HSD17B4: variants seen among roughly 807,000 people sequenced by gnomAD.
The protein encoded by HSD17B4 is hydroxysteroid 17-beta dehydrogenase 4, also known as peroxisomal multifunctional enzyme type 2.
HSD17B4 carries 70 observed loss-of-function variants against 101.0 expected under a neutral mutation model. The observed-to-expected ratio is 0.69, with a 90% confidence interval of 0.57 to 0.85. HSD17B4 has a LOEUF of 0.85. Among genes scored for constraint, HSD17B4 ranks in the 40% least tolerant of loss-of-function variants. The pLI, the probability that HSD17B4 is intolerant of heterozygous loss-of-function variation, is 0.00. For synonymous variants in HSD17B4, 347 were observed against 297.1 expected (o/e 1.17, Z -1.73); for missense variants, 984 against 892.4 (o/e 1.10, Z -1.31).
intron 2 of HSD17B4, among the ~76,000 whole-genome samples, chr5:119,470,545 A>G (rs1444691332): frequency 6.6e-6 from 1 of 152,166 alleles, no homozygotes; most frequent in Non-Finnish European, 1.5e-5. Flanking sequence ...TGTGATGGTA[A>G]TGGCGACTCT....
chr5:119,531,117 T>C, intron 21 of HSD17B4, 149 bp from the exon 22 acceptor site: 1 of 718,964 alleles, frequency 1.4e-6, no homozygotes, highest in South Asian at 1.6e-5. Context: ...TGTATACAAA[T>C]AAGAAAGTAT....
rs765476692 is a variant in HSD17B4, at chr5:119,541,968, A to C, written c.2185A>C (p.Ile729Leu). Residue 729 changes from isoleucine (I) to leucine (L), a missense_variant, in exon 24 of 24, where the codon ATT becomes CTT. By Grantham distance (5) the Ile-to-Leu change is conservative (BLOSUM62 2). Transcript: ENST00000510025. The stretch of plus-strand genomic sequence containing the variant: ...CATGCTGAGCCAGAAACTTCAGATG[A>C]TTCTTAAAGACTACGCCAAGCTCTG... ...NIMLSQKLQMILKDYAKL is the reference protein window; with the variant it reads ...NIMLSQKLQMLLKDYAKL The C allele has an allele frequency of 1.9e-6, 3 of 1,612,568 alleles. No individual in the cohort carries two copies. The African/African-American group carries it at 4.0e-5, about 22-fold the overall frequency.
chr5:119,494,424 G>T (rs1333720328), intron 11 of HSD17B4, among the ~76,000 whole-genome samples: 3 of 114,320 alleles, frequency 2.6e-5, no homozygotes, highest in East Asian at 2.6e-4. Context: ...TATTATTTAG[G>T]CTTAGCTCTT....
At chr5:119,476,462 C>A in intron 6 of HSD17B4, 1 of 597,538 alleles carries the variant, frequency 1.7e-6, no homozygotes, top group Non-Finnish European at 2.1e-6. Context: ...CTAAAATGAA[C>A]AGTGGTGGCT....
intron 16 of HSD17B4, among the ~76,000 whole-genome samples, chr5:119,512,579 C>T (rs1372311107): frequency 2.6e-5 from 4 of 151,106 alleles, no homozygotes; most frequent in African/African-American, 7.3e-5. Flanking sequence ...AAAAAAATAC[C>T]ACAAGGTCAA....
chr5:119,455,635 A>C (rs915546844), intron 1 of HSD17B4, among the ~76,000 whole-genome samples: 3 of 151,854 alleles, frequency 2.0e-5, no homozygotes, highest in African/African-American at 7.3e-5. Context: ...AGTCAGAATT[A>C]AATATTTTCT....
At chr5:119,465,523 G>A (rs1231355147) in intron 2 of HSD17B4, among the ~76,000 whole-genome samples, 1 of 152,180 alleles carries the variant, frequency 6.6e-6, no homozygotes, top group African/African-American at 2.4e-5. Flanking sequence ...AGTAGATGCT[G>A]GAGCTCTGCC....
chr5:119,492,434 A>G (rs1229209679), intron 10 of HSD17B4: 1 of 315,492 alleles, frequency 3.2e-6, no homozygotes, highest in African/African-American at 2.1e-5. Flanking sequence ...CATGTCTTTG[A>G]CTTCCCACAT....
intron 2 of HSD17B4, among the ~76,000 whole-genome samples, chr5:119,469,039 C>A (rs1756093937): frequency 6.6e-6 from 1 of 151,266 alleles, no homozygotes; most frequent in Non-Finnish European, 1.5e-5. Flanking sequence ...TCAGTCATCA[C>A]ACTTTATTCA....
intron 20 of HSD17B4, among the ~76,000 whole-genome samples, chr5:119,528,552 C>T (rs1418915071): frequency 6.6e-6 from 1 of 152,128 alleles, no homozygotes; most frequent in Non-Finnish European, 1.5e-5. Context: ...CAGCTAATAT[C>T]TGTGCCACAT....
intron 2 of HSD17B4, among the ~76,000 whole-genome samples, chr5:119,470,323 AC>A: frequency 6.6e-6 from 1 of 151,850 alleles, no homozygotes; most frequent in African/African-American, 2.4e-5. Context: ...GGCAGATGGC[AC>A]CCCTAGGATG....
chr5:119,541,849 G>T (rs1379868646), intron 23 of HSD17B4, 56 bp from the exon 24 acceptor site: 97 of 947,840 alleles, frequency 1.0e-4, no homozygotes, highest in Non-Finnish European at 1.4e-4. Flanking sequence ...AAAAAAAAAA[G>T]AAATAAACTA....
chr5:119,522,264 C>T (rs1047333278), intron 17 of HSD17B4, among the ~76,000 whole-genome samples: 14 of 152,192 alleles, frequency 9.2e-5, no homozygotes, highest in African/African-American at 3.4e-4. Context: ...AAGACATGAA[C>T]TCATCCTTTT....
In HSD17B4 at chr5:119,467,276, C is replaced by T. The variant is rs372015699; in HGVS notation, c.113-6632C>T. On this transcript the variant is annotated intron_variant, in intron 2 of 23. Transcript: ENST00000510025. ...CTGTTAACTTCTATTAGGACCATTT[C>T]ATTTCTAGAGCAGTGGTCTTTTTGG... Among the ~76,000 whole-genome samples, 129 of 152,284 alleles carry T rather than the reference C, an allele frequency of 8.5e-4. 1 individual carries two copies. The highest frequency in any genetic ancestry group is 2.8e-3 in the African/African-American group (117 of 41,570).
intron 21 of HSD17B4, 54 bp from the exon 22 acceptor site, chr5:119,531,212 C>T: frequency 2.5e-6 from 4 of 1,580,768 alleles, no homozygotes; most frequent in Non-Finnish European, 3.5e-6. Flanking sequence ...AATCACTTTT[C>T]TCCATGAGTT....
At chr5:119,492,326 T>C in intron 10 of HSD17B4, 1 of 599,646 alleles carries the variant, frequency 1.7e-6, no homozygotes, top group South Asian at 2.0e-5. Flanking sequence ...TTCAAGACCC[T>C]ATCTATTCTT....
At chr5:119,494,337 C>CT (rs374270758) in intron 11 of HSD17B4, among the ~76,000 whole-genome samples, 1 of 136,832 alleles carries the variant, frequency 7.3e-6, no homozygotes, top group East Asian at 2.1e-4. Context: ...TTCTTTCTTT[C>CT]TTTCTTTCTT....
intron 15 of HSD17B4, 101 bp from the exon 16 acceptor site, chr5:119,509,040 T>C: frequency 1.4e-6 from 1 of 731,018 alleles, no homozygotes; most frequent in Admixed American, 2.0e-5. Context: ...AATTGGATTT[T>C]GTTTTTGAAA....
At chr5:119,484,326 A>G (rs761702913) in intron 8 of HSD17B4, among the ~76,000 whole-genome samples, 1 of 152,128 alleles carries the variant, frequency 6.6e-6, no homozygotes, top group Non-Finnish European at 1.5e-5. Context: ...GACTGCTTAC[A>G]CCTGGGTCTA....
Sources: gnomAD v4.1 joint callset for allele counts (sites outside exome capture counted in the v4.1 genomes callset) on GRCh38, gnomAD v4.1.1 for gene constraint, MANE v1.5 for transcripts, NCBI Gene and HGNC (gene_info 2026-07-23, HGNC 2026-07-21) for gene names.